The following ZMAT4 variants were observed in gnomAD, a reference collection of about 807,000 sequenced individuals.
The protein encoded by ZMAT4 is zinc finger matrin-type protein 4.
ZMAT4 carries 17 observed loss-of-function variants against 28.7 expected under a neutral mutation model. The observed-to-expected ratio is 0.59, with a 90% CI of 0.41 to 0.89. The LOEUF (loss-of-function observed/expected upper bound fraction) is 0.89, where lower values mean the gene tolerates loss of function less well. Ranked by LOEUF, ZMAT4 falls within the 40% of genes least tolerant of loss-of-function variation. The pLI is 0.00. For missense variants in ZMAT4, 240 were observed against 283.8 expected (o/e 0.85, Z 1.11); for synonymous variants, 117 against 109.2 (o/e 1.07, Z -0.44).
chr8:40,643,379 C>G (rs567597587), intron 5 of ZMAT4, among the ~76,000 whole-genome samples: 1 of 152,158 alleles, frequency 6.6e-6, no homozygotes, highest in African/African-American at 2.4e-5. Flanking sequence ...ACATATTTGA[C>G]ACTTGGAAAA....
At position 40,707,210 on chromosome 8, in the gene ZMAT4, G is replaced by T. The variant is rs911798600; in HGVS notation, c.193-9809C>A. ...CTCACTCCCACAGAACTTCCTTCAGGCCTGCCCCCCCACCCCCCCACCCCC... is the reference window on the plus strand; with the variant it reads ...CTCACTCCCACAGAACTTCCTTCAGTCCTGCCCCCCCACCCCCCCACCCCC... On this transcript the variant is annotated intron_variant, in intron 3 of 6. Transcript: ENST00000297737. Among the ~76,000 whole-genome samples the T allele has an allele frequency of 1.5e-4, 18 of 116,994 alleles. No individual in the cohort carries two copies. In the East Asian group the frequency reaches 3.9e-3, roughly 25 times the overall value. 76.8% of individuals were successfully genotyped at this position (116,994 alleles called of 152,430 possible). A position where few individuals can be genotyped will look rare whatever the true frequency, so the allele number is the denominator to read the frequency against.
At chr8:40,813,537 T>C (rs576213423) in intron 2 of ZMAT4, among the ~76,000 whole-genome samples, 1 of 152,340 alleles carries the variant, frequency 6.6e-6, no homozygotes, top group South Asian at 2.1e-4. Context: ...AAAGGAAGCA[T>C]GAACCTTTCC....
intron 1 of ZMAT4, among the ~76,000 whole-genome samples, chr8:40,833,296 G>A (rs942864360): frequency 6.6e-6 from 1 of 152,222 alleles, no homozygotes; most frequent in Middle Eastern, 3.4e-3. Flanking sequence ...CTGGCTGGCC[G>A]TGGTGGCTCA....
At chr8:40,703,276 G>A (rs1433266753) in intron 3 of ZMAT4, among the ~76,000 whole-genome samples, 1 of 152,086 alleles carries the variant, frequency 6.6e-6, no homozygotes, top group Non-Finnish European at 1.5e-5. Flanking sequence ...TTTTACATGA[G>A]TTTTTATAGC....
intron 3 of ZMAT4, 86 bp from the exon 4 acceptor site, chr8:40,697,487 T>C (rs2150494659): frequency 1.6e-6 from 2 of 1,274,698 alleles, no homozygotes; most frequent in Non-Finnish European, 2.0e-6. Context: ...AACTAGTGTA[T>C]TGAAATATCT....
intron 3 of ZMAT4, among the ~76,000 whole-genome samples, chr8:40,732,374 C>A (rs1035677738): frequency 1.3e-5 from 2 of 152,146 alleles, no homozygotes; most frequent in African/African-American, 4.8e-5. Flanking sequence ...TCAGCCTAGG[C>A]ACACACTTGG....
At chr8:40,850,468 A>G (rs763425355) in intron 1 of ZMAT4, among the ~76,000 whole-genome samples, 1 of 152,168 alleles carries the variant, frequency 6.6e-6, no homozygotes, top group Non-Finnish European at 1.5e-5. Context: ...CACTGCAGAC[A>G]GTCATGGAAA....
chr8:40,719,540 G>T (rs767306311), intron 3 of ZMAT4, among the ~76,000 whole-genome samples: 1 of 152,090 alleles, frequency 6.6e-6, no homozygotes, highest in Non-Finnish European at 1.5e-5. Context: ...GACAGGCAGC[G>T]AGTTCGTGGA....
At chr8:40,651,591 T>C (rs1338696592) in intron 5 of ZMAT4, among the ~76,000 whole-genome samples, 3 of 148,138 alleles carry the variant, frequency 2.0e-5, no homozygotes, top group South Asian at 2.2e-4. Context: ...AAAGTTCATA[T>C]GGAACCAAAA....
At chr8:40,760,506 A>G (rs1451517727) in intron 3 of ZMAT4, among the ~76,000 whole-genome samples, 1 of 152,154 alleles carries the variant, frequency 6.6e-6, no homozygotes. Context: ...GGGGTAGGAG[A>G]GCTAAGCAGC....
rs1002320227 is a variant in ZMAT4 at position 40,587,057 on chromosome 8, A to T, written c.578-5796T>A. On this transcript the variant is annotated intron_variant, in intron 5 of 6. Coordinates refer to ENST00000297737, the MANE Select transcript of ZMAT4 (RefSeq NM_024645.3). Reference sequence around the variant, plus strand: ...TATCCAGGGGTAGCAAGCAGCAAGCATAGAGGCCCAGAGTGGAAATGGGCC... The same window carrying T: ...TATCCAGGGGTAGCAAGCAGCAAGCTTAGAGGCCCAGAGTGGAAATGGGCC... Among the ~76,000 whole-genome samples the T allele has an allele frequency of 3.3e-5, 5 of 151,838 alleles. No individual in the cohort carries two copies. In the East Asian group the frequency reaches 9.7e-4, roughly 29 times the overall value.
intron 2 of ZMAT4, among the ~76,000 whole-genome samples, chr8:40,791,507 G>T (rs888659201): frequency 6.6e-6 from 1 of 152,140 alleles, no homozygotes; most frequent in African/African-American, 2.4e-5. Context: ...GCTCAGAGAG[G>T]CTGAGCAACC....
intron 3 of ZMAT4, among the ~76,000 whole-genome samples, chr8:40,732,834 CTTTTTTTTTTTTTTT>C (rs11461186): frequency 1.5e-5 from 1 of 67,022 alleles, no homozygotes; most frequent in Non-Finnish European, 2.8e-5. Flanking sequence ...GCAAGACCTC[CTTTTTTTTTTTTTTT>C]TTTTTTTTTT....
chr8:40,837,394 C>T (rs1332873439), intron 1 of ZMAT4, among the ~76,000 whole-genome samples: 1 of 152,172 alleles, frequency 6.6e-6, no homozygotes, highest in African/African-American at 2.4e-5. Flanking sequence ...GCCCACTGGA[C>T]TTTTGTGTCA....
chr8:40,812,626 G>C (rs919533324), intron 2 of ZMAT4, among the ~76,000 whole-genome samples: 3 of 152,116 alleles, frequency 2.0e-5, no homozygotes, highest in Non-Finnish European at 4.4e-5. Flanking sequence ...GATTGGACTT[G>C]ACACTTTAAA....
Position 40,722,190 on chromosome 8 carries a change from A to G in ZMAT4, c.193-24789T>C, listed in dbSNP as rs1280680098. On this transcript the variant is annotated intron_variant, in intron 3 of 6. Coordinates refer to ENST00000297737, the MANE Select transcript of ZMAT4 (RefSeq NM_024645.3). ...TTGACAAATGGGATCTAATTAAACT[A>G]AAGAGCTTCTGCACAGCAAAAGAAA... Among the ~76,000 whole-genome samples the G allele has an allele frequency of 5.9e-5, 9 of 152,148 alleles. No homozygotes were observed. The South Asian group carries it at 8.3e-4, about 14-fold the overall frequency.
chr8:40,779,281 C>T lies in ZMAT4; in HGVS notation c.103-11551G>A, dbSNP rs1198238169. Among the ~76,000 whole-genome samples, 4 of 152,134 alleles carry T rather than the reference C, an allele frequency of 2.6e-5. No individual in the cohort carries two copies. In the East Asian group the frequency reaches 7.7e-4, roughly 29 times the overall value. ...CATGATTGCGAGGCCTCCCCAACCA[C>T]GTAGAACCTCTTTTTCTTTATAAAT... On this transcript the variant is annotated intron_variant, in intron 2 of 6. Transcript: ENST00000297737.
intron 5 of ZMAT4, among the ~76,000 whole-genome samples, chr8:40,598,794 G>T (rs2118604667): frequency 6.7e-6 from 1 of 149,980 alleles, no homozygotes; most frequent in Admixed American, 6.7e-5. Context: ...AGTCCCAACA[G>T]CTAGAAAGTA....
At chr8:40,801,349 AAAATAT>A (rs1319513969) in intron 2 of ZMAT4, among the ~76,000 whole-genome samples, 2 of 48,766 alleles carry the variant, frequency 4.1e-5, no homozygotes, top group African/African-American at 1.5e-4. Context: ...TTTAAAAAAA[AAAATAT>A]ATATATATAT....
Sources: allele counts gnomAD v4.1 joint callset (sites outside exome capture counted in the v4.1 genomes callset), GRCh38; gene constraint gnomAD v4.1.1; transcripts MANE v1.5; gene names NCBI Gene and HGNC (gene_info 2026-07-23, HGNC 2026-07-21).